The following RPS24 variants were observed in gnomAD, a reference collection of about 807,000 sequenced individuals.
RPS24 encodes ribosomal protein S24.
For synonymous variants in RPS24, 72 were observed against 55.6 expected (o/e 1.30, Z -1.31); for missense variants, 100 against 162.5 (o/e 0.62, Z 2.09).
chr10:78,037,535 G>T (rs1036193969), intron 4 of RPS24: 12 of 571,858 alleles, frequency 2.1e-5, no homozygotes, highest in Non-Finnish European at 2.6e-5. Context: ...ACAATCTGGA[G>T]GCCACATTGG....
chr10:78,040,482 G>A, intron 5 of RPS24, 133 bp from the exon 6 acceptor site: 1 of 789,728 alleles, frequency 1.3e-6, no homozygotes, highest in Non-Finnish European at 2.2e-6. Flanking sequence ...ATTGTGTTAT[G>A]ATAACATCAA....
intron 4 of RPS24, among the ~76,000 whole-genome samples, chr10:78,048,609 C>T (rs975537229): frequency 4.6e-5 from 7 of 152,092 alleles, no homozygotes; most frequent in Non-Finnish European, 8.8e-5. Context: ...CAGCCGCGTG[C>T]GGTGGCTCAC....
chr10:78,034,219 A>T, intron 1 of RPS24: 2 of 528,902 alleles, frequency 3.8e-6, no homozygotes, highest in Non-Finnish European at 6.8e-6. Context: ...TGGGAGGCAC[A>T]TCTCGTCTGC....
intron 4 of RPS24, among the ~76,000 whole-genome samples, chr10:78,053,679 G>C (rs1225795251): frequency 6.6e-6 from 1 of 152,116 alleles, no homozygotes; most frequent in Non-Finnish European, 1.5e-5. Flanking sequence ...GGCCGGGGAT[G>C]GGGGAACGTC....
intron 4 of RPS24, chr10:78,038,228 G>A (rs540252396): frequency 4.8e-6 from 1 of 209,216 alleles, no homozygotes; most frequent in African/African-American, 2.4e-5. Context: ...TGTTTATTTT[G>A]TAAACTCCAA....
At chr10:78,033,953 C>G (rs1847798192) in intron 1 of RPS24, 49 bp downstream of exon 1, 1 of 1,612,188 alleles carries the variant, frequency 6.2e-7, no homozygotes, top group South Asian at 1.1e-5. Flanking sequence ...TCCGAGCCAT[C>G]CGTGGTCCCT....
At chr10:78,037,634 G>A (rs1382842946) in intron 4 of RPS24, 1 of 338,068 alleles carries the variant, frequency 3.0e-6, no homozygotes, top group Non-Finnish European at 5.6e-6. Context: ...AATGCAGAGC[G>A]GATCCCATTC....
At chr10:78,035,099 C>G (rs1847834198) in intron 1 of RPS24, among the ~76,000 whole-genome samples, 1 of 152,126 alleles carries the variant, frequency 6.6e-6, no homozygotes, top group Non-Finnish European at 1.5e-5. Flanking sequence ...GAAACCCTGC[C>G]CCAGAGATAC....
chr10:78,035,479 T>C (rs770166432), intron 2 of RPS24, 32 bp from the exon 3 acceptor site: 4 of 1,613,154 alleles, frequency 2.5e-6, no homozygotes, highest in Non-Finnish European at 2.5e-6. Context: ...TATTTTATCA[T>C]ACTGAATGCT....
intron 1 of RPS24, among the ~76,000 whole-genome samples, chr10:78,034,840 C>A (rs943714462): frequency 6.6e-6 from 1 of 152,196 alleles, no homozygotes; most frequent in African/African-American, 2.4e-5. Flanking sequence ...ATTGAGTGAC[C>A]TTTATATGAG....
rs911930289 is a variant in RPS24, at chr10:78,033,947, A to C, written c.3+43A>C. 1.2e-5 allele frequency: 20 copies of C among 1,613,176 alleles called. No individual in the cohort carries two copies. The African/African-American group carries it at 2.4e-4, about 19-fold the overall frequency. On this transcript the variant is annotated intron_variant, in intron 1 of 5. Coordinates refer to ENST00000372360, the MANE Select transcript of RPS24 (RefSeq NM_033022.4). ...CGTGCAGTCATCTGCCGCGTATCCG[A>C]GCCATCCGTGGTCCCTGGGTCCCAG...
rs1848070977 is a variant in RPS24 at position 78,048,861 on chromosome 10, CGA to C, written c.391-5666_391-5665del. 3.1e-5 allele frequency: 4 copies of C among 127,914 alleles called. No homozygotes were observed. In the South Asian group the frequency reaches 9.6e-4, roughly 31 times the overall value. 7.9% of individuals were successfully genotyped at this position (127,914 alleles called of 1,614,324 possible). A position where few individuals can be genotyped will look rare whatever the true frequency, so the allele number is the denominator to read the frequency against. Reference sequence around the variant, plus strand: ...CTGCACTCCAGCCTGGGCGACAGAGCGAGAGTCCATCTCAAAAAAAAAAAAAA... The same window carrying C: ...CTGCACTCCAGCCTGGGCGACAGAGCGAGTCCATCTCAAAAAAAAAAAAAA... On this transcript the variant is annotated intron_variant, in intron 4 of 4. Coordinates refer to the RPS24 transcript ENST00000440692.
At chr10:78,037,164 G>A (rs1018949607) in intron 3 of RPS24, 30 bp from the exon 4 acceptor site, 29 of 1,580,000 alleles carry the variant, frequency 1.8e-5, no homozygotes, top group African/African-American at 1.6e-4. Context: ...ATGTTTACAA[G>A]TCACCTGGAT....
At chr10:78,034,179 G>T in intron 1 of RPS24, 2 of 566,094 alleles carry the variant, frequency 3.5e-6, no homozygotes, top group Non-Finnish European at 6.3e-6. Context: ...CGGTGGATGG[G>T]GGTAGGGGGC....
chr10:78,037,996 A>G, intron 4 of RPS24: 1 of 1,279,042 alleles, frequency 7.8e-7, no homozygotes, highest in Middle Eastern at 2.2e-4. Context: ...CTGAGATTGT[A>G]AGCACGGTGT....
downstream of RPS24, among the ~76,000 whole-genome samples, chr10:78,042,266 C>T (rs7084178): frequency 0.06 from 9,115 of 152,246 alleles, 886 homozygotes; most frequent in African/African-American, 0.2. Flanking sequence ...ACACCCTCCT[C>T]TACCTGCCCT....
chr10:78,053,586 G>C (rs1848121949), intron 4 of RPS24, among the ~76,000 whole-genome samples: 1 of 152,158 alleles, frequency 6.6e-6, no homozygotes, highest in African/African-American at 2.4e-5. Context: ...GGTGAGGGAA[G>C]GTGAGGGAGC....
downstream of RPS24, chr10:78,040,708 T>C: frequency 6.2e-7 from 1 of 1,607,146 alleles, no homozygotes; most frequent in African/African-American, 1.3e-5. Context: ...TGTGTCTGGT[T>C]GTTTGAAATG....
At chr10:78,055,290 T>C in exon 5 of RPS24, 1 of 362,648 alleles carries the variant, frequency 2.8e-6, no homozygotes, top group Non-Finnish European at 4.9e-6. Context: ...TAATTTTTCC[T>C]CGTCAGCAGT....
Sources: gnomAD v4.1 joint callset for allele counts (sites outside exome capture counted in the v4.1 genomes callset) on GRCh38, gnomAD v4.1.1 for gene constraint, MANE v1.5 for transcripts, NCBI Gene and HGNC (gene_info 2026-07-23, HGNC 2026-07-21) for gene names.